The following PARD3B variants were observed in gnomAD, a reference collection of about 807,000 sequenced individuals.
PARD3B encodes par-3 family cell polarity regulator beta.
A neutral mutation model predicts 130.2 loss-of-function variants in PARD3B; 103 were observed. That is an observed-to-expected ratio of 0.79 (90% CI 0.67 to 0.93). PARD3B has a LOEUF of 0.93. PARD3B is among the 40% of genes least tolerant of loss of function. The pLI is 0.00. For missense variants in PARD3B, 1,609 were observed against 1,499.2 expected, an observed-to-expected ratio of 1.07 and a Z score of -1.21; for synonymous variants, 583 against 553.2, an observed-to-expected ratio of 1.05 and a Z score of -0.76.
intron 1 of PARD3B, among the ~76,000 whole-genome samples, chr2:204,651,224 A>G (rs2035465585): frequency 6.6e-6 from 1 of 152,240 alleles, no homozygotes; most frequent in African/African-American, 2.4e-5. Flanking sequence ...CTCATCAGAG[A>G]CAAGACAAGT....
intron 1 of PARD3B, among the ~76,000 whole-genome samples, chr2:204,684,691 G>T (rs376990659): frequency 4.6e-5 from 7 of 152,156 alleles, no homozygotes; most frequent in African/African-American, 1.7e-4. Context: ...ACTGAATAAT[G>T]AGAGTTGTGT....
At chr2:205,306,049 T>A (rs1197025851) in intron 18 of PARD3B, among the ~76,000 whole-genome samples, 1 of 152,140 alleles carries the variant, frequency 6.6e-6, no homozygotes, top group African/African-American at 2.4e-5. Flanking sequence ...ACAAGGAGCC[T>A]TAAAGTAAAA....
intron 20 of PARD3B, among the ~76,000 whole-genome samples, chr2:205,465,735 A>G (rs2048598184): frequency 6.6e-6 from 1 of 152,222 alleles, no homozygotes; most frequent in African/African-American, 2.4e-5. Flanking sequence ...CTAAGAAAAT[A>G]GGTACTGATG....
At chr2:205,368,123 C>A (rs1476496696) in intron 18 of PARD3B, among the ~76,000 whole-genome samples, 1 of 152,038 alleles carries the variant, frequency 6.6e-6, no homozygotes, top group Non-Finnish European at 1.5e-5. Context: ...CATTTAATTA[C>A]CTGAAGAAAT....
chr2:204,983,977 C>T (rs1375406386), intron 3 of PARD3B, among the ~76,000 whole-genome samples: 1 of 151,912 alleles, frequency 6.6e-6, no homozygotes, highest in Non-Finnish European at 1.5e-5. Context: ...ATGGACCTTC[C>T]TTGTCGCCTC....
At position 204,997,100 on chromosome 2, in the gene PARD3B, C is replaced by T. The variant is rs184190085; in HGVS notation, c.394+31777C>T. Among the ~76,000 whole-genome samples the T allele has an allele frequency of 2.5e-3, 382 of 152,270 alleles. 3 individuals are homozygous for T. Among genetic ancestry groups the T allele is most frequent in the African/African-American group, 8.9e-3 (369 of 41,552 alleles). The stretch of plus-strand genomic sequence containing the variant: ...CTGTTCCTATTCGGCCATCTTGGCT[C>T]CTCCCCTCCTCAGTTGTCATTCTTT... On this transcript the variant is annotated intron_variant, in intron 3 of 22. Coordinates refer to ENST00000406610, the MANE Select transcript of PARD3B (RefSeq NM_001302769.2).
intron 15 of PARD3B, among the ~76,000 whole-genome samples, 180 bp downstream of exon 15, chr2:205,193,500 C>A (rs62172736): frequency 0.057 from 8,630 of 152,226 alleles, 337 homozygotes; most frequent in East Asian, 0.18. Context: ...TTGTAATTAC[C>A]CACTTTGTGA....
At chr2:205,390,312 A>G (rs896261025) in intron 18 of PARD3B, among the ~76,000 whole-genome samples, 5 of 152,006 alleles carry the variant, frequency 3.3e-5, no homozygotes, top group African/African-American at 1.2e-4. Context: ...AAAAAAAAAA[A>G]GCTCTAGTTA....
chr2:205,400,150 T>C (rs1463802113), intron 18 of PARD3B, among the ~76,000 whole-genome samples: 4 of 152,172 alleles, frequency 2.6e-5, no homozygotes, highest in African/African-American at 9.7e-5. Context: ...AGCTTTTATT[T>C]ATATATTAAT....
chr2:205,579,674 G>A (rs569205655), intron 22 of PARD3B, among the ~76,000 whole-genome samples: 1 of 152,268 alleles, frequency 6.6e-6, no homozygotes, highest in African/African-American at 2.4e-5. Flanking sequence ...TTAAGGTGGC[G>A]CCTTTGTTGA....
chr2:204,587,957 G>C (rs2032901876), intron 1 of PARD3B, among the ~76,000 whole-genome samples: 1 of 152,154 alleles, frequency 6.6e-6, no homozygotes, highest in Non-Finnish European at 1.5e-5. Context: ...CAGCCGTGCT[G>C]AACTGTGAGT....
intron 18 of PARD3B, among the ~76,000 whole-genome samples, chr2:205,376,949 A>C (rs2045081794): frequency 6.6e-6 from 1 of 152,162 alleles, no homozygotes; most frequent in Non-Finnish European, 1.5e-5. Context: ...CACGTTCTTT[A>C]AGTAGTAAAA....
chr2:205,101,603 A>G (rs1702794557), intron 4 of PARD3B, among the ~76,000 whole-genome samples: 1 of 152,240 alleles, frequency 6.6e-6, no homozygotes. Flanking sequence ...AACATTATTC[A>G]TAATAGGCAA....
rs899285112 is a variant in PARD3B, at chr2:204,777,360, G to A, written c.222+91078G>A. On this transcript the variant is annotated intron_variant, in intron 2 of 22. Transcript: ENST00000406610. ...AATCTTTCTGCTACACTACTTTAAT[G>A]TGTATGTTGGGGCTGTGGGGGTCAA... 2.0e-5 allele frequency among the ~76,000 whole-genome samples: 3 copies of A among 152,178 alleles called. No homozygotes were observed. In the South Asian group the frequency reaches 6.2e-4, roughly 32 times the overall value.
chr2:204,923,023 G>A (rs1250809099), intron 2 of PARD3B, among the ~76,000 whole-genome samples: 1 of 152,006 alleles, frequency 6.6e-6, no homozygotes, highest in African/African-American at 2.4e-5. Context: ...CCTGAGAAGT[G>A]GCCTATGTCT....
chr2:205,401,094 G>C lies in PARD3B; in HGVS notation c.2712G>C (p.Glu904Asp). ...AACATGGTGGCCTGAGAGAAGAAGAGCTGGAGAAAATGAAAGAAGAGCGTG... is the reference window on the plus strand; with the variant it reads ...AACATGGTGGCCTGAGAGAAGAAGACCTGGAGAAAATGAAAGAAGAGCGTG... ...TLKHGGLREEELEKMKEERER... is the reference protein window; with the variant it reads ...TLKHGGLREEDLEKMKEERER... The change falls in exon 19 of 23, where the codon GAG (glutamate) becomes GAC (aspartate). Residue 904 changes from glutamate to aspartate, a missense_variant. Physicochemically the swap from Glu to Asp is conservative, Grantham distance 45. Transcript: ENST00000406610. 6.3e-7 allele frequency: 1 copy of C among 1,599,976 alleles called. No homozygotes were observed. Among genetic ancestry groups the C allele is most frequent in the South Asian group, 1.1e-5 (1 of 87,654 alleles).
intron 2 of PARD3B, among the ~76,000 whole-genome samples, chr2:204,916,393 T>C (rs2047446763): frequency 6.6e-6 from 1 of 152,082 alleles, no homozygotes; most frequent in Non-Finnish European, 1.5e-5. Context: ...TTGTGTTGTA[T>C]TAACAAAATA....
chr2:204,765,851 G>A (rs886085688), intron 2 of PARD3B, among the ~76,000 whole-genome samples: 1 of 152,126 alleles, frequency 6.6e-6, no homozygotes, highest in Admixed American at 6.5e-5. Context: ...TACTTGATGT[G>A]CTAGAGTATG....
intron 10 of PARD3B, among the ~76,000 whole-genome samples, chr2:205,127,296 CAAAAAAA>C (rs34822432): frequency 9.9e-6 from 1 of 100,656 alleles, no homozygotes; most frequent in African/African-American, 4.0e-5. Flanking sequence ...GACTCTGTCT[CAAAAAAA>C]AAAAAAAAAA....
Sources: allele counts gnomAD v4.1 joint callset (sites outside exome capture counted in the v4.1 genomes callset), GRCh38; gene constraint gnomAD v4.1.1; transcripts MANE v1.5; gene names NCBI Gene and HGNC (gene_info 2026-07-23, HGNC 2026-07-21).